Variants in CD200R1 observed in about 807,000 individuals in gnomAD.
CD200R1 encodes the protein cell surface glycoprotein CD200 receptor 1.
In CD200R1, 30 loss-of-function variants were observed where a neutral mutation model predicts 38.1. The observed-to-expected ratio is 0.79, with a 90% CI of 0.59 to 1.07. The LOEUF (loss-of-function observed/expected upper bound fraction) is 1.07. Ranked by LOEUF, CD200R1 falls within the 50% of genes least tolerant of loss-of-function variation. The pLI is 0.00. For synonymous variants in CD200R1, 128 were observed against 152.1 expected (o/e 0.84, Z 1.16); for missense variants, 372 against 415.4 (o/e 0.90, Z 0.91).
intron 1 of CD200R1, among the ~76,000 whole-genome samples, chr3:112,958,652 G>T (rs1576149925): frequency 6.6e-6 from 1 of 152,190 alleles, no homozygotes; most frequent in Middle Eastern, 3.4e-3. Context: ...AAGCTGAAAG[G>T]AGATAACTAA....
intron 2 of CD200R1, among the ~76,000 whole-genome samples, chr3:112,934,914 C>T (rs1443524995): frequency 6.6e-6 from 1 of 151,986 alleles, no homozygotes; most frequent in African/African-American, 2.4e-5. Flanking sequence ...GGAAAAAAGA[C>T]ATGCAAACAG....
intron 2 of CD200R1, among the ~76,000 whole-genome samples, chr3:112,939,249 A>G (rs894009383): frequency 2.6e-5 from 4 of 152,062 alleles, no homozygotes; most frequent in African/African-American, 7.2e-5. Flanking sequence ...CTTGTTATTC[A>G]AGATAGTACT....
At chr3:112,934,331 C>T (rs1353196774) in intron 2 of CD200R1, among the ~76,000 whole-genome samples, 1 of 151,770 alleles carries the variant, frequency 6.6e-6, no homozygotes, top group Non-Finnish European at 1.5e-5. Flanking sequence ...TGGAGTGATA[C>T]ATTCAAAGTA....
chr3:112,924,468 A>T (rs1379518806), intron 7 of CD200R1, 22 bp downstream of exon 7: 1 of 1,311,778 alleles, frequency 7.6e-7, no homozygotes, highest in East Asian at 2.8e-5. Flanking sequence ...GTTTGCAATT[A>T]GTCTTTTTTA....
intron 5 of CD200R1, among the ~76,000 whole-genome samples, chr3:112,927,468 T>A (rs1466873): frequency 0.04 from 6,093 of 152,282 alleles, 264 homozygotes; most frequent in East Asian, 0.22. Context: ...ATTAACTAGT[T>A]GAGCTTCCAA....
chr3:112,951,857 T>C (rs1385252870), intron 1 of CD200R1, among the ~76,000 whole-genome samples: 3 of 151,320 alleles, frequency 2.0e-5, no homozygotes, highest in East Asian at 3.9e-4. Flanking sequence ...CTGTAAAATA[T>C]TGCTGAGGTA....
chr3:112,950,234 A>C (rs1940947571), intron 1 of CD200R1, among the ~76,000 whole-genome samples: 1 of 151,922 alleles, frequency 6.6e-6, no homozygotes, highest in Non-Finnish European at 1.5e-5. Flanking sequence ...ATGTAAAATA[A>C]GTAAGTTTAA....
At position 112,941,404 on chromosome 3, in the gene CD200R1, C is replaced by T. The variant is rs531742897; in HGVS notation, c.136+6452G>A. Among the ~76,000 whole-genome samples the T allele has an allele frequency of 2.8e-4, 42 of 151,418 alleles. No homozygotes were observed. In the South Asian group the frequency reaches 6.0e-3, roughly 22 times the overall value. On this transcript the variant is annotated intron_variant, in intron 2 of 7. Coordinates refer to ENST00000308611, the MANE Select transcript of CD200R1 (RefSeq NM_138806.4). ...TATGTATCAAAATATTACTATGTAC[C>T]CCATAAATATGTGCAATTATTATGT...
chr3:112,925,258 C>A, intron 5 of CD200R1, 65 bp from the exon 6 acceptor site: 1 of 771,042 alleles, frequency 1.3e-6, no homozygotes, highest in South Asian at 1.7e-5. Flanking sequence ...TCTTATTATT[C>A]AATGTTAAAA....
rs576003992 is a variant in CD200R1, at chr3:112,934,093, G to A, written c.137-2922C>T. 4.4e-4 allele frequency among the ~76,000 whole-genome samples: 67 copies of A among 152,174 alleles called. No individual in the cohort carries two copies. In the South Asian group the frequency reaches 7.1e-3, roughly 16 times the overall value. ...AAAATAATAGCAGAAAACTTTCCAA[G>A]TTTTGGGAGAGAGAGAGAGATTCAG... On this transcript the variant is annotated intron_variant, in intron 2 of 7. Transcript: ENST00000308611.
intron 2 of CD200R1, among the ~76,000 whole-genome samples, chr3:112,937,722 G>A (rs1940618316): frequency 6.6e-6 from 1 of 152,106 alleles, no homozygotes; most frequent in Admixed American, 6.6e-5. Flanking sequence ...TTCTAATTCT[G>A]TGAACAATGT....
chr3:112,947,951 TAG>T (rs1195474366), intron 1 of CD200R1, 27 bp from the exon 2 acceptor site: 2 of 1,469,474 alleles, frequency 1.4e-6, no homozygotes, highest in African/African-American at 1.4e-5. Context: ...ACATAGGGGG[TAG>T]AGAGAGAAAT....
intron 1 of CD200R1, among the ~76,000 whole-genome samples, chr3:112,957,758 G>A (rs1941134786): frequency 6.6e-6 from 1 of 152,112 alleles, no homozygotes; most frequent in South Asian, 2.1e-4. Flanking sequence ...AGACTGCTAT[G>A]TAGAATATGT....
chr3:112,950,539 AG>A (rs1940953357), intron 1 of CD200R1, among the ~76,000 whole-genome samples: 1 of 152,246 alleles, frequency 6.6e-6, no homozygotes, highest in African/African-American at 2.4e-5. Flanking sequence ...TTCATTACAT[AG>A]TTATAAACAA....
At position 112,967,578 on chromosome 3, in the gene CD200R1, C is replaced by T. The variant is rs531869274; in HGVS notation, c.67+7213G>A. ...AATTCCATGAGAGCAGGACCTATGT[C>T]TGTCTTGATCAAATGTCCACAGCAT... On this transcript the variant is annotated intron_variant, in intron 1 of 7. Coordinates refer to ENST00000308611, the MANE Select transcript of CD200R1 (RefSeq NM_138806.4). Among the ~76,000 whole-genome samples, 64 of 152,354 alleles carry T rather than the reference C, an allele frequency of 4.2e-4. 1 individual carries two copies. The highest frequency in any genetic ancestry group is 1.4e-3 in the African/African-American group (60 of 41,588).
chr3:112,953,109 A>C (rs1367027160), intron 1 of CD200R1, among the ~76,000 whole-genome samples: 1 of 152,144 alleles, frequency 6.6e-6, no homozygotes, highest in Non-Finnish European at 1.5e-5. Context: ...ATGTATAATC[A>C]TTATTGCACT....
intron 2 of CD200R1, among the ~76,000 whole-genome samples, chr3:112,936,989 G>T (rs944356559): frequency 6.6e-6 from 1 of 152,124 alleles, no homozygotes; most frequent in Non-Finnish European, 1.5e-5. Flanking sequence ...TTTTGTACAT[G>T]ATGTAAGGAA....
At chr3:112,931,217 T>C in intron 2 of CD200R1, 46 bp from the exon 3 acceptor site, 2 of 1,236,816 alleles carry the variant, frequency 1.6e-6, no homozygotes. Context: ...TTTTATGTAC[T>C]CAGAGTGGAA....
chr3:112,924,313 G>A lies in CD200R1; in HGVS notation c.924+177C>T, dbSNP rs1365786225. On this transcript the variant is annotated intron_variant, in intron 7 of 7. Coordinates refer to ENST00000308611, the MANE Select transcript of CD200R1 (RefSeq NM_138806.4). ...TGAAAATGTGGTTCAGAGTGATGAT[G>A]TATAAATAGTATTTGATAGATAATT... Among the ~76,000 whole-genome samples, 8 of 151,966 alleles carry A rather than the reference G, an allele frequency of 5.3e-5. No homozygotes were observed. The South Asian group carries it at 8.3e-4, about 16-fold the overall frequency.
Sources: gnomAD v4.1 joint callset for allele counts (sites outside exome capture counted in the v4.1 genomes callset) on GRCh38, gnomAD v4.1.1 for gene constraint, MANE v1.5 for transcripts, NCBI Gene and HGNC (gene_info 2026-07-23, HGNC 2026-07-21) for gene names.